The following RASGRF1 variants were observed in gnomAD, a reference collection of about 807,000 sequenced individuals.
The protein encoded by RASGRF1 is ras-specific guanine nucleotide-releasing factor 1.
In RASGRF1, 40 loss-of-function variants were observed where a neutral mutation model predicts 138.7. The observed-to-expected ratio is 0.29, with a 90% CI of 0.22 to 0.38. RASGRF1 has a LOEUF of 0.38. Ranked by LOEUF, RASGRF1 falls within the 10% of genes least tolerant of loss-of-function variation. The pLI, the probability that RASGRF1 is intolerant of heterozygous loss-of-function variation, is 1.00. For synonymous variants in RASGRF1, 614 were observed against 663.2 expected (o/e 0.93, Z 1.14); for missense variants, 1,108 against 1,650.4 (o/e 0.67, Z 5.69).
intron 1 of RASGRF1, among the ~76,000 whole-genome samples, chr15:79,076,945 G>T (rs557069599): frequency 2.6e-4 from 40 of 152,280 alleles, no homozygotes; most frequent in Middle Eastern, 3.4e-3. Context: ...CTTATTAATT[G>T]GCTAATAGCA....
chr15:79,019,199 G>A (rs2056923705), intron 11 of RASGRF1, among the ~76,000 whole-genome samples: 1 of 152,180 alleles, frequency 6.6e-6, no homozygotes, highest in East Asian at 1.9e-4. Flanking sequence ...AGTCTGAGGA[G>A]GGAAAAGAGC....
rs115525527 is a variant in RASGRF1, at chr15:79,021,955, G to A, written c.1543-1851C>T. 1.4e-3 allele frequency among the ~76,000 whole-genome samples: 213 copies of A among 152,190 alleles called. 2 individuals carry two copies. The highest frequency in any genetic ancestry group is 6.8e-3 in the Middle Eastern group (2 of 294). On this transcript the variant is annotated intron_variant, in intron 10 of 26. Transcript: ENST00000558480. ...TGAGCACTGAGCGTGTACCTGACAC[G>A]AGAACTCCCTCACTTACTCCTCACA... is the stretch of plus-strand genomic sequence containing the variant.
chr15:79,007,675 C>T (rs1273651274), intron 13 of RASGRF1, among the ~76,000 whole-genome samples: 2 of 151,312 alleles, frequency 1.3e-5, no homozygotes, highest in Non-Finnish European at 2.9e-5. Context: ...CCTTACCCTC[C>T]CCAGTAGCTG....
chr15:79,071,800 TG>T (rs2057760081), intron 1 of RASGRF1, among the ~76,000 whole-genome samples: 1 of 152,074 alleles, frequency 6.6e-6, no homozygotes, highest in Non-Finnish European at 1.5e-5. Flanking sequence ...CTGGTCAGGG[TG>T]GTACCAGCTG....
chr15:79,058,890 T>C (rs2057546385), intron 2 of RASGRF1, among the ~76,000 whole-genome samples: 1 of 152,236 alleles, frequency 6.6e-6, no homozygotes, highest in Admixed American at 6.5e-5. Context: ...GACTTGTTTT[T>C]CCTTGTAAAG....
chr15:79,035,180 A>G lies in RASGRF1; in HGVS notation c.909T>C (p.Phe303=). Residue 303 remains phenylalanine, a synonymous_variant, in exon 6 of 27, where the codon TTT becomes TTC. Transcript: ENST00000558480. ...SETIMFLHQI[F]YQGLKARISS... ...AGATGCGGGCCTTCAGGCCTTGGTA[A>G]AAGATCTGATGTAAAAACATGATGG... is the stretch of plus-strand genomic sequence containing the variant. 6.2e-7 allele frequency: 1 copy of G among 1,613,876 alleles called. No individual in the cohort carries two copies. Among genetic ancestry groups the G allele is most frequent in the Non-Finnish European group, 8.5e-7 (1 of 1,179,860 alleles).
At chr15:79,031,781 T>G (rs1220378417) in intron 7 of RASGRF1, among the ~76,000 whole-genome samples, 1 of 151,594 alleles carries the variant, frequency 6.6e-6, no homozygotes, top group African/African-American at 2.4e-5. Context: ...AAATGGTTCT[T>G]TTAGCCCAGA....
At chr15:78,974,446 C>T (rs911331622) in intron 24 of RASGRF1, among the ~76,000 whole-genome samples, 1 of 152,140 alleles carries the variant, frequency 6.6e-6, no homozygotes, top group African/African-American at 2.4e-5. Context: ...GAAACCTGGC[C>T]CCTGTCCCTC....
chr15:79,064,576 A>C, intron 1 of RASGRF1, 50 bp from the exon 2 acceptor site: 1 of 1,540,042 alleles, frequency 6.5e-7, no homozygotes, highest in Non-Finnish European at 9.0e-7. Flanking sequence ...CATGGGACCA[A>C]CAACGACTCT....
At position 79,006,221 on chromosome 15, in the gene RASGRF1, G is replaced by A; in HGVS notation, c.2040C>T (p.Thr680=). 1 of 1,614,226 alleles carries A rather than the reference G, an allele frequency of 6.2e-7. No individual in the cohort carries two copies. The highest frequency in any genetic ancestry group is 8.5e-7 in the Non-Finnish European group (1 of 1,180,046). Residue 680 remains threonine (T), a synonymous_variant, in exon 14 of 27, where the codon ACC becomes ACT. Coordinates refer to ENST00000558480, the MANE Select transcript of RASGRF1 (RefSeq NM_001145648.3). The surrounding 1 kb of genome is among the most constrained non-coding windows in gnomAD (Gnocchi z 4.0). ...TAIVVLDKLI[T]IYKKPISAIP... is the part of the protein sequence containing the mutation. ...TGGCACTGATAGGCTTCTTGTAGAT[G>A]GTAATGAGCTTGTCCAGGACCACGA...
Position 79,001,750 on chromosome 15 carries a change from A to G in RASGRF1, c.2487T>C (p.Asp829=), listed in dbSNP as rs1402246361. 2.5e-6 allele frequency: 4 copies of G among 1,608,592 alleles called. No individual in the cohort carries two copies. Among genetic ancestry groups the G allele is most frequent in the African/African-American group, 2.7e-5 (2 of 74,760 alleles). ...TATCACCATCATCACTCTGGTTTTGATCAATATCTGACTCCTCTCTCATGG... is the reference window on the plus strand; with the variant it reads ...TATCACCATCATCACTCTGGTTTTGGTCAATATCTGACTCCTCTCTCATGG... ...EVSMREESDI[D]QNQSDDGDTE... Residue 829 remains aspartate (D), a synonymous_variant, in exon 16 of 27, where the codon GAT becomes GAC. Coordinates refer to ENST00000558480, the MANE Select transcript of RASGRF1 (RefSeq NM_001145648.3).
intron 1 of RASGRF1, among the ~76,000 whole-genome samples, chr15:79,076,453 G>A (rs1373650528): frequency 2.0e-5 from 3 of 152,228 alleles, no homozygotes; most frequent in African/African-American, 7.2e-5. Context: ...CCCTCTCAGA[G>A]GCCCATGGTC....
chr15:78,978,961 G>A (rs764438539), intron 24 of RASGRF1: 21 of 1,287,810 alleles, frequency 1.6e-5, no homozygotes, highest in East Asian at 1.1e-4. Context: ...GAGGGAAGAC[G>A]GTCAGGGTGG....
intron 15 of RASGRF1, 29 bp downstream of exon 15, chr15:79,003,773 G>C (rs764954936): frequency 1.3e-6 from 2 of 1,554,490 alleles, no homozygotes; most frequent in African/African-American, 1.4e-5. Flanking sequence ...GGGAGGCTGG[G>C]GGGCAGCTCC....
rs984308457 is a variant in RASGRF1, at chr15:78,959,954, T to G, written c.*2190A>C. On this transcript the variant is annotated 3_prime_UTR_variant, in exon 27 of 27. Transcript: ENST00000558480. ...TAATAGTACTTAATACCATTAATTATAATAATTCATTTAATTCTACTCTGT... is the reference window on the plus strand; with the variant it reads ...TAATAGTACTTAATACCATTAATTAGAATAATTCATTTAATTCTACTCTGT... 6.7e-6 allele frequency: 1 copy of G among 150,258 alleles called. No homozygotes were observed. The highest frequency in any genetic ancestry group is 1.5e-5 in the Non-Finnish European group (1 of 68,034). 9.3% of individuals were successfully genotyped at this position (150,258 alleles called of 1,614,324 possible).
rs548799815 is a variant in RASGRF1, at chr15:78,969,994, G to A, written c.3681+1872C>T. Among the ~76,000 whole-genome samples the A allele has an allele frequency of 3.7e-4, 56 of 152,310 alleles. 1 individual carries two copies. The South Asian group carries it at 0.011, about 30-fold the overall frequency. ...TTTAACTAATTGTAGTTAGTCCACT[G>A]ATTTTTCTCCTTCGATACGGCTATC... On this transcript the variant is annotated intron_variant, in intron 26 of 26. Coordinates refer to ENST00000558480, the MANE Select transcript of RASGRF1 (RefSeq NM_001145648.3).
In RASGRF1 at chr15:78,992,628, A is replaced by G. The variant is rs200461097; in HGVS notation, c.3028-834T>C. ...AAGAATCCTCCCCCATCACCACCTC[A>G]GGACCACCTGGGCCACACAGGAGGA... is the stretch of plus-strand genomic sequence containing the variant. On this transcript the variant is annotated intron_variant, in intron 20 of 26. Transcript: ENST00000558480. Among the ~76,000 whole-genome samples, 4 of 152,286 alleles carry G rather than the reference A, an allele frequency of 2.6e-5. No individual in the cohort carries two copies. The East Asian group carries it at 7.7e-4, about 29-fold the overall frequency.
At chr15:79,041,489 G>A (rs1285333509) in intron 5 of RASGRF1, among the ~76,000 whole-genome samples, 1 of 152,202 alleles carries the variant, frequency 6.6e-6, no homozygotes, top group East Asian at 1.9e-4. Context: ...AGGGGCTCTG[G>A]GACAGCACGA....
At chr15:79,009,047 A>G (rs2056741739) in intron 13 of RASGRF1, among the ~76,000 whole-genome samples, 1 of 152,090 alleles carries the variant, frequency 6.6e-6, no homozygotes, top group Non-Finnish European at 1.5e-5. Context: ...CTCAGGCCCA[A>G]ACCTTGATGT....
Sources: gnomAD v4.1 joint callset for allele counts (sites outside exome capture counted in the v4.1 genomes callset) on GRCh38, gnomAD v4.1.1 for gene constraint, Gnocchi (gnomAD v3.1) non-coding constraint, MANE v1.5 for transcripts, NCBI Gene and HGNC (gene_info 2026-07-23, HGNC 2026-07-21) for gene names.